RAB6A: variants seen among roughly 807,000 people sequenced by gnomAD.
RAB6A encodes RAB6A, member RAS oncogene family.
In RAB6A, 8 loss-of-function variants were observed where a neutral mutation model predicts 32.3. The observed-to-expected ratio is 0.25, with a 90% CI of 0.15 to 0.45. The LOEUF (loss-of-function observed/expected upper bound fraction) is 0.45. RAB6A is among the 20% of genes least tolerant of loss of function. The pLI is 1.00. For synonymous variants in RAB6A, 73 were observed against 82.1 expected (o/e 0.89, Z 0.60); for missense variants, 104 against 249.4 (o/e 0.42, Z 3.93).
chr11:73,691,470 A>G (rs1224731438), intron 6 of RAB6A, among the ~76,000 whole-genome samples: 2 of 152,222 alleles, frequency 1.3e-5, no homozygotes, highest in African/African-American at 4.8e-5. Context: ...TCCAAGTAGC[A>G]CCAGTAGTTC....
At chr11:73,736,529 C>T (rs1004039377) in intron 1 of RAB6A, among the ~76,000 whole-genome samples, 2 of 150,382 alleles carry the variant, frequency 1.3e-5, no homozygotes, top group Admixed American at 6.7e-5. Context: ...GTGTGGCTCA[C>T]GCCTGTAATC....
In RAB6A at chr11:73,737,254, T is replaced by G. The variant is rs563223296; in HGVS notation, c.71-6431A>C. Among the ~76,000 whole-genome samples the G allele has an allele frequency of 2.0e-5, 3 of 152,014 alleles. No individual in the cohort carries two copies. In the East Asian group the frequency reaches 5.8e-4, roughly 29 times the overall value. ...ATGTAATCCCATCACTTTGGGAGGC[T>G]GAGGAGGATCGAGTGAATACAGGAG... On this transcript the variant is annotated intron_variant, in intron 1 of 7. Transcript: ENST00000336083.
At chr11:73,685,113 C>T (rs1482916089) in intron 6 of RAB6A, among the ~76,000 whole-genome samples, 13 of 152,178 alleles carry the variant, frequency 8.5e-5, no homozygotes, top group Non-Finnish European at 1.9e-4. Flanking sequence ...ACAGCCTGGG[C>T]TTGGGCCCTA....
intron 1 of RAB6A, among the ~76,000 whole-genome samples, chr11:73,755,981 G>A (rs946321780): frequency 6.6e-6 from 1 of 152,102 alleles, no homozygotes; most frequent in African/African-American, 2.4e-5. Flanking sequence ...AGCTCTTCAG[G>A]ATCCTCAAAA....
At chr11:73,758,746 A>C (rs1254220009) in intron 1 of RAB6A, among the ~76,000 whole-genome samples, 2 of 152,214 alleles carry the variant, frequency 1.3e-5, no homozygotes, top group African/African-American at 4.8e-5. Flanking sequence ...CAACATAAGG[A>C]AGGCAATAAT....
intron 6 of RAB6A, among the ~76,000 whole-genome samples, chr11:73,705,248 T>A (rs1284627938): frequency 2.0e-5 from 3 of 151,790 alleles, no homozygotes; most frequent in Non-Finnish European, 4.4e-5. Flanking sequence ...TATCAAAATG[T>A]CTCTAAAAGA....
intron 2 of RAB6A, among the ~76,000 whole-genome samples, chr11:73,721,459 T>G (rs1946131924): frequency 6.6e-6 from 1 of 152,188 alleles, no homozygotes. Flanking sequence ...AATGATAGCT[T>G]CCTTCTGTGG....
chr11:73,757,645 G>C (rs940065187), intron 1 of RAB6A, among the ~76,000 whole-genome samples: 1 of 152,100 alleles, frequency 6.6e-6, no homozygotes, highest in African/African-American at 2.4e-5. Context: ...ACAAAATTCA[G>C]GTCAGTCCTA....
In RAB6A at chr11:73,718,079, A is replaced by C. The variant is rs186738772; in HGVS notation, c.289+534T>G. ...AATTTGTTAGCAACAAAGTAAATAA[A>C]TCAGTCACAGAACCAAAATATGATT... On this transcript the variant is annotated intron_variant, in intron 4 of 7. Transcript: ENST00000336083. Among the ~76,000 whole-genome samples the C allele has an allele frequency of 1.6e-4, 25 of 152,364 alleles. No individual in the cohort carries two copies. The East Asian group carries it at 4.2e-3, about 26-fold the overall frequency.
intron 7 of RAB6A, 135 bp downstream of exon 7, chr11:73,679,519 A>G (rs1945320084): frequency 8.9e-7 from 1 of 1,120,956 alleles, no homozygotes. Context: ...TATAGAAAAC[A>G]AATGAATTTC....
intron 2 of RAB6A, among the ~76,000 whole-genome samples, chr11:73,725,427 G>A (rs940223495): frequency 1.2e-4 from 19 of 152,174 alleles, no homozygotes; most frequent in African/African-American, 4.1e-4. Flanking sequence ...CTGTTTTGGC[G>A]CTGCCGATAA....
At chr11:73,694,720 A>T (rs1026445640) in intron 6 of RAB6A, among the ~76,000 whole-genome samples, 2 of 152,234 alleles carry the variant, frequency 1.3e-5, no homozygotes. Flanking sequence ...AAATTAATTT[A>T]AAAATATACC....
chr11:73,743,006 T>A (rs1339028961), intron 1 of RAB6A, among the ~76,000 whole-genome samples: 1 of 151,712 alleles, frequency 6.6e-6, no homozygotes, highest in Non-Finnish European at 1.5e-5. Context: ...GTGAACAAGA[T>A]AAGAAAGCAC....
intron 1 of RAB6A, among the ~76,000 whole-genome samples, chr11:73,745,895 C>G (rs944355527): frequency 1.1e-4 from 17 of 151,534 alleles, no homozygotes; most frequent in African/African-American, 3.9e-4. Flanking sequence ...AGCTACTCAG[C>G]AGGCTGAGGC....
chr11:73,681,280 T>G (rs1027486955), intron 6 of RAB6A, among the ~76,000 whole-genome samples: 16 of 152,212 alleles, frequency 1.1e-4, no homozygotes, highest in African/African-American at 3.6e-4. Flanking sequence ...CAAAGTAAGT[T>G]TAAAATGCTC....
At chr11:73,750,551 T>G (rs1403885668) in intron 1 of RAB6A, among the ~76,000 whole-genome samples, 1 of 152,038 alleles carries the variant, frequency 6.6e-6, no homozygotes, top group Non-Finnish European at 1.5e-5. Flanking sequence ...ATGGGGGGGT[T>G]TCTCCATGTT....
chr11:73,686,357 C>G (rs1334156719), intron 6 of RAB6A, among the ~76,000 whole-genome samples: 2 of 152,042 alleles, frequency 1.3e-5, no homozygotes, highest in Admixed American at 1.3e-4. Context: ...GGAGTTCGAC[C>G]AGCTTGGCCA....
chr11:73,716,441 AG>A, intron 4 of RAB6A, 79 bp from the exon 5 acceptor site: 1 of 1,005,364 alleles, frequency 9.9e-7, no homozygotes, highest in Non-Finnish European at 1.5e-6. Flanking sequence ...CCTCCAAAAA[AG>A]CCCTGGAAGT....
At position 73,681,882 on chromosome 11, in the gene RAB6A, G is replaced by A. The variant is rs141370853; in HGVS notation, c.496-2162C>T. Among the ~76,000 whole-genome samples the A allele has an allele frequency of 8.4e-3, 1,275 of 152,168 alleles. 20 individuals carry two copies. The highest frequency in any genetic ancestry group is 0.03 in the African/African-American group (1,233 of 41,522). On this transcript the variant is annotated intron_variant, in intron 6 of 7. Transcript: ENST00000336083. ...GATCTGGTAGACAAAAGCCTGATAG[G>A]GTAGGTGCAGGGATATGAAAATGGG...
Sources: allele counts gnomAD v4.1 joint callset (sites outside exome capture counted in the v4.1 genomes callset), GRCh38; gene constraint gnomAD v4.1.1; transcripts MANE v1.5; gene names NCBI Gene and HGNC (gene_info 2026-07-23, HGNC 2026-07-21).